Variants in AIG1 observed in about 807,000 individuals in gnomAD.
AIG1 encodes androgen-induced gene 1 protein.
AIG1 carries 23 observed loss-of-function variants against 31.4 expected under a neutral mutation model. The observed-to-expected ratio is 0.73, with a 90% CI of 0.53 to 1.04. The LOEUF (loss-of-function observed/expected upper bound fraction) is 1.04, where lower values mean the gene tolerates loss of function less well. AIG1 is among the 50% of genes least tolerant of loss of function. The probability of loss-of-function intolerance (pLI) is 0.00; values close to 1 mark genes in which losing one functional copy is unlikely to be tolerated. For missense variants in AIG1, 274 were observed against 295.0 expected, an observed-to-expected ratio of 0.93 and a Z score of 0.52; for synonymous variants, 100 against 110.5, an observed-to-expected ratio of 0.90 and a Z score of 0.60.
chr6:143,083,252 G>T (rs1778448859), intron 1 of AIG1, among the ~76,000 whole-genome samples: 1 of 152,232 alleles, frequency 6.6e-6, no homozygotes, highest in South Asian at 2.1e-4. Flanking sequence ...TGAACGGGCA[G>T]CTAGAAGTAA....
Position 143,133,324 on chromosome 6 carries a change from G to A in AIG1, c.142-3511G>A, listed in dbSNP as rs117650204. 3.0e-3 allele frequency among the ~76,000 whole-genome samples: 450 copies of A among 152,020 alleles called. 14 individuals carry two copies. In the East Asian group the frequency reaches 0.054, roughly 18 times the overall value. On this transcript the variant is annotated intron_variant, in intron 1 of 5. Coordinates refer to ENST00000357847, the MANE Select transcript of AIG1 (RefSeq NM_016108.4). ...CACTATTTAGGCATGAGACTTCTTG[G>A]GTCTCTACTGAATGCCTGTTGTAGA...
intron 2 of AIG1, among the ~76,000 whole-genome samples, chr6:143,156,678 C>T (rs1008668064): frequency 6.6e-6 from 1 of 152,128 alleles, no homozygotes; most frequent in Non-Finnish European, 1.5e-5. Context: ...TGGGAGGTTC[C>T]CCTGTTAGGA....
intron 3 of AIG1, among the ~76,000 whole-genome samples, chr6:143,201,246 C>G (rs1562484975): frequency 6.6e-6 from 1 of 151,720 alleles, no homozygotes; most frequent in Non-Finnish European, 1.5e-5. Flanking sequence ...GTAGTCCCAG[C>G]TATTTGGGAG....
chr6:143,167,742 T>C (rs1363438438), intron 3 of AIG1, among the ~76,000 whole-genome samples: 1 of 152,180 alleles, frequency 6.6e-6, no homozygotes, highest in Non-Finnish European at 1.5e-5. Flanking sequence ...GACACAAATA[T>C]TTAGGAAAGA....
chr6:143,276,816 G>A (rs1459910646), intron 3 of AIG1, among the ~76,000 whole-genome samples: 1 of 152,238 alleles, frequency 6.6e-6, no homozygotes, highest in Non-Finnish European at 1.5e-5. Flanking sequence ...CAGATTTCCC[G>A]AGGTAAAAAT....
At chr6:143,306,802 A>G (rs1188135368) in intron 4 of AIG1, among the ~76,000 whole-genome samples, 3 of 152,190 alleles carry the variant, frequency 2.0e-5, no homozygotes, top group East Asian at 1.9e-4. Flanking sequence ...GTGTTTTCCA[A>G]CTTGGTTCCA....
chr6:143,187,634 CAAAGCTT>C, intron 3 of AIG1: 1 of 1,536,100 alleles, frequency 6.5e-7, no homozygotes, highest in Non-Finnish European at 8.7e-7. Context: ...TGCAGCATTT[CAAAGCTT>C]AAAGTTTTCT....
chr6:143,274,089 A>G (rs745594457), intron 3 of AIG1, among the ~76,000 whole-genome samples: 1 of 152,160 alleles, frequency 6.6e-6, no homozygotes, highest in Non-Finnish European at 1.5e-5. Flanking sequence ...GTTGTCCCTC[A>G]GACCCTGGAA....
chr6:143,275,023 G>A (rs7742280), intron 3 of AIG1, among the ~76,000 whole-genome samples: 1 of 152,092 alleles, frequency 6.6e-6, no homozygotes, highest in Admixed American at 6.5e-5. Flanking sequence ...AACACAGAGG[G>A]ATGAAATAAA....
rs1421313887 is a variant in AIG1 at position 143,288,525 on chromosome 6, C to G, written c.515+4300C>G. ...TGTATTTAAAGCAAAATAGAGATGT[C>G]TGTTGTCTCTGCACCCTAGTGGTTT... On this transcript the variant is annotated intron_variant, in intron 4 of 5. Coordinates refer to ENST00000357847, the MANE Select transcript of AIG1 (RefSeq NM_016108.4). The surrounding 1 kb of genome is among the most constrained non-coding windows in gnomAD (Gnocchi z 4.4). Among the ~76,000 whole-genome samples, 1 of 152,180 alleles carries G rather than the reference C, an allele frequency of 6.6e-6. No individual in the cohort carries two copies. Among genetic ancestry groups the G allele is most frequent in the African/African-American group, 2.4e-5 (1 of 41,434 alleles).
At chr6:143,120,144 G>T (rs972026058) in intron 1 of AIG1, among the ~76,000 whole-genome samples, 2 of 152,094 alleles carry the variant, frequency 1.3e-5, no homozygotes, top group African/African-American at 4.8e-5. Context: ...ATATTGGTCA[G>T]GCTGATCTCG....
chr6:143,298,471 C>T lies in AIG1; in HGVS notation c.515+14246C>T, dbSNP rs1798598929. Among the ~76,000 whole-genome samples, 1 of 152,178 alleles carries T rather than the reference C, an allele frequency of 6.6e-6. No individual in the cohort carries two copies. Among genetic ancestry groups the T allele is most frequent in the Admixed American group, 6.5e-5 (1 of 15,274 alleles). On this transcript the variant is annotated intron_variant, in intron 4 of 5. Coordinates refer to ENST00000357847, the MANE Select transcript of AIG1 (RefSeq NM_016108.4). The surrounding 1 kb of genome is among the most constrained non-coding windows in gnomAD (Gnocchi z 5.1). ...GAAACAGTGCTATTTGCCTATCAGA[C>T]AAAGACAGGTATCTTTTTAAAAAGG...
intron 3 of AIG1, among the ~76,000 whole-genome samples, chr6:143,215,787 A>G (rs1048922462): frequency 1.3e-5 from 2 of 152,114 alleles, no homozygotes; most frequent in African/African-American, 4.8e-5. Context: ...TTCTTTACAT[A>G]AGAGAGTAAT....
chr6:143,243,988 A>T (rs367923104), intron 3 of AIG1, among the ~76,000 whole-genome samples: 22 of 152,334 alleles, frequency 1.4e-4, no homozygotes, highest in African/African-American at 4.6e-4. Context: ...AAGCCATGAC[A>T]GCTGGGTCAT....
At chr6:143,257,667 G>A (rs933425802) in intron 3 of AIG1, among the ~76,000 whole-genome samples, 6 of 152,126 alleles carry the variant, frequency 3.9e-5, no homozygotes, top group Non-Finnish European at 7.3e-5. Context: ...TAAAGTTGCC[G>A]TGTTTTATGT....
intron 1 of AIG1, among the ~76,000 whole-genome samples, chr6:143,087,827 G>A (rs1163475212): frequency 2.0e-5 from 3 of 152,118 alleles, no homozygotes; most frequent in African/African-American, 7.2e-5. Context: ...CTATATTCTC[G>A]CTATAGAATG....
chr6:143,124,797 T>A (rs547088004), intron 1 of AIG1, among the ~76,000 whole-genome samples: 1 of 152,200 alleles, frequency 6.6e-6, no homozygotes, highest in East Asian at 1.9e-4. Flanking sequence ...CAGATGCTTA[T>A]AAAACCATCA....
chr6:143,303,091 ATTTG>A (rs1211290505), intron 4 of AIG1, among the ~76,000 whole-genome samples: 3 of 151,832 alleles, frequency 2.0e-5, no homozygotes, highest in Non-Finnish European at 2.9e-5. Flanking sequence ...TTTCTTGTCA[ATTTG>A]TTTGAGTTCA....
chr6:143,061,106 G>A, intron 1 of AIG1, 40 bp downstream of exon 1: 1 of 1,600,896 alleles, frequency 6.2e-7, no homozygotes, highest in African/African-American at 1.4e-5. Context: ...CGCACCCCGT[G>A]CCTGTGTGTG....
Sources: allele counts gnomAD v4.1 joint callset (sites outside exome capture counted in the v4.1 genomes callset), GRCh38; gene constraint gnomAD v4.1.1; non-coding constraint Gnocchi (gnomAD v3.1); transcripts MANE v1.5; gene names NCBI Gene and HGNC (gene_info 2026-07-23, HGNC 2026-07-21).